ABCA8: variants seen among roughly 807,000 people sequenced by gnomAD.
ABCA8 encodes the protein ATP binding cassette subfamily A member 8.
In ABCA8, 177 loss-of-function variants were observed where a neutral mutation model predicts 192.3. That is an observed-to-expected ratio of 0.92 (90% confidence interval 0.81 to 1.04). ABCA8 has a LOEUF of 1.04. ABCA8 is among the 50% of genes least tolerant of loss of function. ABCA8 has a pLI of 0.00. For synonymous variants in ABCA8, 642 were observed against 690.2 expected, an observed-to-expected ratio of 0.93 and a Z score of 1.09; for missense variants, 1,915 against 1,904.8, an observed-to-expected ratio of 1.01 and a Z score of -0.10.
Position 68,916,485 on chromosome 17 carries a change from T to G in ABCA8, c.2138+876A>C, listed in dbSNP as rs539501833. 6.6e-5 allele frequency among the ~76,000 whole-genome samples: 10 copies of G among 152,262 alleles called. 1 individual carries two copies. Among genetic ancestry groups the G allele is most frequent in the Middle Eastern group, 3.4e-3 (1 of 294 alleles). ...CGTATGCCTGTATCAAAATATCTCA[T>G]GTACCCCCATAAATCTATACACCTA... On this transcript the variant is annotated intron_variant, in intron 17 of 39. Coordinates refer to ENST00000586539, the MANE Select transcript of ABCA8 (RefSeq NM_001288985.2).
chr17:68,885,377 T>G, intron 26 of ABCA8, 62 bp from the exon 27 acceptor site: 2 of 1,499,632 alleles, frequency 1.3e-6, no homozygotes, highest in Non-Finnish European at 1.8e-6. Flanking sequence ...CAAATCGAGA[T>G]GGCTCATCTT....
intron 24 of ABCA8, among the ~76,000 whole-genome samples, chr17:68,890,972 G>A (rs1307649821): frequency 2.0e-5 from 3 of 152,044 alleles, no homozygotes; most frequent in Non-Finnish European, 2.9e-5. Context: ...AATTAATTTT[G>A]TGCATGTGAC....
At chr17:68,932,978 C>A (rs111839742) in intron 6 of ABCA8, among the ~76,000 whole-genome samples, 190 bp downstream of exon 6, 22 of 152,252 alleles carry the variant, frequency 1.4e-4, no homozygotes, top group African/African-American at 5.3e-4. Context: ...AAAGTTGAGT[C>A]CATGAATGAG....
At chr17:68,912,887 A>G (rs2067258386) in intron 17 of ABCA8, among the ~76,000 whole-genome samples, 2 of 152,174 alleles carry the variant, frequency 1.3e-5, no homozygotes, top group African/African-American at 2.4e-5. Context: ...AATGTGCACT[A>G]TAGATCAAAT....
chr17:68,869,327 T>C (rs1159304302), intron 38 of ABCA8, among the ~76,000 whole-genome samples: 1 of 152,152 alleles, frequency 6.6e-6, no homozygotes, highest in Non-Finnish European at 1.5e-5. Flanking sequence ...ATATACAGGC[T>C]AAGACAGTAA....
chr17:68,951,114 C>G (rs897676306), intron 1 of ABCA8, among the ~76,000 whole-genome samples: 3 of 152,188 alleles, frequency 2.0e-5, no homozygotes, highest in African/African-American at 7.2e-5. Flanking sequence ...CCAAGATCAG[C>G]AGTTTCTTAG....
At chr17:68,947,322 T>G (rs77860253) in intron 2 of ABCA8, among the ~76,000 whole-genome samples, 1 of 152,246 alleles carries the variant, frequency 6.6e-6, no homozygotes, top group Non-Finnish European at 1.5e-5. Flanking sequence ...TAATTTGTCA[T>G]AAGGTATTTT....
chr17:68,937,176 G>C, intron 4 of ABCA8, 61 bp from the exon 5 acceptor site: 1 of 1,385,724 alleles, frequency 7.2e-7, no homozygotes, highest in Non-Finnish European at 9.8e-7. Flanking sequence ...ACTTCAGGAT[G>C]TCATGTTGAA....
chr17:68,951,640 AG>A (rs1445036740), intron 1 of ABCA8, among the ~76,000 whole-genome samples: 1 of 152,224 alleles, frequency 6.6e-6, no homozygotes, highest in East Asian at 1.9e-4. Flanking sequence ...GTGCATTTAA[AG>A]CATAGGTAGC....
chr17:68,944,401 C>G (rs1336066652), intron 2 of ABCA8: 1 of 140,002 alleles, frequency 7.1e-6, no homozygotes, highest in Non-Finnish European at 1.5e-5. Flanking sequence ...CTGAAAGACC[C>G]CCAGTAGCTC....
intron 2 of ABCA8, among the ~76,000 whole-genome samples, chr17:68,944,318 ATATATATAT>A (rs1567886083): frequency 0.015 from 818 of 55,056 alleles, 66 homozygotes; most frequent in Non-Finnish European, 0.02. Flanking sequence ...ACTTAAAGTT[ATATATATAT>A]ATATATATAT....
intron 11 of ABCA8, 130 bp from the exon 12 acceptor site, chr17:68,922,430 A>G: frequency 1.6e-6 from 1 of 616,848 alleles, no homozygotes; most frequent in Non-Finnish European, 2.6e-6. Context: ...TCACACAGTC[A>G]TAGCTGTGTG....
At chr17:68,910,222 C>T (rs1460815425) in intron 17 of ABCA8, among the ~76,000 whole-genome samples, 1 of 152,112 alleles carries the variant, frequency 6.6e-6, no homozygotes, top group East Asian at 1.9e-4. Context: ...GAAAGAAGCA[C>T]TGGAGAGGAT....
At chr17:68,877,720 T>C in intron 32 of ABCA8, 41 bp from the exon 33 acceptor site, 1 of 1,555,476 alleles carries the variant, frequency 6.4e-7, no homozygotes, top group Non-Finnish European at 8.7e-7. Context: ...CCTTCTGCAC[T>C]GCTTCTTTGA....
chr17:68,875,572 A>G (rs757409098), intron 36 of ABCA8, 42 bp downstream of exon 36: 6 of 1,606,420 alleles, frequency 3.7e-6, no homozygotes, highest in Admixed American at 3.4e-5. Flanking sequence ...ATTTCCAGCA[A>G]TGCACCTTGG....
chr17:68,880,904 G>C, intron 32 of ABCA8: 1 of 551,964 alleles, frequency 1.8e-6, no homozygotes, highest in Non-Finnish European at 3.2e-6. Flanking sequence ...CAGAGGTTTT[G>C]ACTGGAAAAG....
At chr17:68,918,298 G>T in intron 15 of ABCA8, 113 bp from the exon 16 acceptor site, 22 of 1,479,316 alleles carry the variant, frequency 1.5e-5, no homozygotes, top group Non-Finnish European at 2.0e-5. Context: ...TTAGGATTTA[G>T]ATACTCTATT....
rs142326781 is a variant in ABCA8 at position 68,933,256 on chromosome 17, G to C, written c.482C>G (p.Thr161Arg). 3.7e-5 allele frequency: 60 copies of C among 1,609,648 alleles called. No individual in the cohort carries two copies. In the African/African-American group the frequency reaches 7.1e-4, roughly 19 times the overall value. Residue 161 changes from threonine (T) to arginine (R), a missense_variant, in exon 6 of 40, where the codon ACA becomes AGA. Physicochemically the swap from Thr to Arg is moderately conservative, Grantham distance 71 (BLOSUM62 -1). Transcript: ENST00000586539. ...AACTTCACAGTAAACATCTTCATTT[G>C]TTTCATAACAATGAGCTTTGTGAAA... is the stretch of plus-strand genomic sequence containing the variant. ...HKDHTAHCYE[T>R]NEDVYCEVSV...
intron 7 of ABCA8, among the ~76,000 whole-genome samples, chr17:68,931,412 T>C (rs1197605943): frequency 2.6e-5 from 4 of 152,220 alleles, no homozygotes; most frequent in Non-Finnish European, 4.4e-5. Flanking sequence ...GCAACACATT[T>C]TTTTAAATGG....
Sources: gnomAD v4.1 joint callset for allele counts (sites outside exome capture counted in the v4.1 genomes callset) on GRCh38, gnomAD v4.1.1 for gene constraint, MANE v1.5 for transcripts, NCBI Gene and HGNC (gene_info 2026-07-23, HGNC 2026-07-21) for gene names.